The following BOP1 variants were observed in gnomAD, a reference collection of about 807,000 sequenced individuals.
BOP1 encodes ribosome biogenesis protein BOP1.
BOP1 carries 54 observed loss-of-function variants against 82.9 expected under a neutral mutation model. That is an observed-to-expected ratio of 0.65 (90% confidence interval 0.52 to 0.82). The LOEUF is 0.82. Among genes scored for constraint, BOP1 ranks in the 40% least tolerant of loss-of-function variants. The pLI is 0.00. For missense variants in BOP1, 1,170 were observed against 1,072.0 expected, an observed-to-expected ratio of 1.09 and a Z score of -1.28; for synonymous variants, 566 against 451.1, an observed-to-expected ratio of 1.25 and a Z score of -3.23.
intron 2 of BOP1, among the ~76,000 whole-genome samples, chr8:144,280,529 A>G (rs965671786): frequency 6.6e-6 from 1 of 152,218 alleles, no homozygotes; most frequent in African/African-American, 2.4e-5. Context: ...AGTGTGCATT[A>G]TGCTCCGGCA....
chr8:144,266,670 G>T, intron 3 of BOP1: 1 of 1,263,298 alleles, frequency 7.9e-7, no homozygotes, highest in Non-Finnish European at 1.0e-6. Flanking sequence ...ACCCCGAGGT[G>T]AGCCCGCTGT....
intron 2 of BOP1, among the ~76,000 whole-genome samples, chr8:144,286,856 G>A (rs1194021276): frequency 6.6e-6 from 1 of 152,240 alleles, no homozygotes; most frequent in Non-Finnish European, 1.5e-5. Flanking sequence ...AACCCGAGCA[G>A]GGCAATGGGC....
chr8:144,270,482 G>A (rs1289282490), intron 3 of BOP1, among the ~76,000 whole-genome samples: 10 of 152,288 alleles, frequency 6.6e-5, no homozygotes, highest in East Asian at 5.8e-4. Flanking sequence ...GACTCCGACC[G>A]CGGCTGCAGC....
Position 144,264,590 on chromosome 8 carries a change from G to A in BOP1, c.690C>T (p.Asp230=), listed in dbSNP as rs1004730189. Residue 230 remains aspartate, a synonymous_variant, in exon 6 of 16, where the codon GAC becomes GAT. Coordinates refer to ENST00000569669, the MANE Select transcript of BOP1 (RefSeq NM_015201.5). ...YEPAVDFFSG[D]VMIHPVTNRP... is the part of the protein sequence containing the mutation. ...GGTTGGTCACCGGGTGGATCATGAC[G>A]TCCCCGCTGAAGAAGTCGACAGCCG... The A allele has an allele frequency of 1.3e-4, 215 of 1,606,662 alleles. No individual in the cohort carries two copies. Among genetic ancestry groups the A allele is most frequent in the South Asian group, 5.5e-5 (5 of 90,132 alleles).
intron 3 of BOP1, chr8:144,266,932 G>A (rs1185108621): frequency 3.2e-6 from 5 of 1,557,384 alleles, no homozygotes; most frequent in African/African-American, 2.8e-5. Flanking sequence ...CACCGAGCCC[G>A]CCGACCGCAA....
At chr8:144,271,617 G>A (rs979424189) in intron 3 of BOP1, among the ~76,000 whole-genome samples, 3 of 152,098 alleles carry the variant, frequency 2.0e-5, no homozygotes, top group Non-Finnish European at 4.4e-5. Flanking sequence ...GGCCAGGGCG[G>A]GAGGCTCACC....
At chr8:144,271,538 G>A (rs1425285938) in intron 3 of BOP1, among the ~76,000 whole-genome samples, 9 of 152,078 alleles carry the variant, frequency 5.9e-5, no homozygotes, top group East Asian at 3.9e-4. Context: ...AGCGCCACAC[G>A]GCCTTCCTGT....
rs1259016810 is a variant in BOP1, at chr8:144,291,187, A to G, written c.99+85T>C. On this transcript the variant is annotated intron_variant, in intron 1 of 15. Transcript: ENST00000569669. The surrounding 1 kb of genome is among the most constrained non-coding windows in gnomAD (Gnocchi z 4.1). ...TGGGCGCGGGCGCCCAGGTGACAGA[A>G]GCCGGGCCCACCCGCCCCAGCGCGG... is the stretch of plus-strand genomic sequence containing the variant. 4 of 1,217,882 alleles carry G rather than the reference A, an allele frequency of 3.3e-6. No homozygotes were observed. The highest frequency in any genetic ancestry group is 4.2e-6 in the Non-Finnish European group (4 of 955,356). The allele number at this position is 1,217,882 out of a possible 1,614,324, so 75.4% of individuals were successfully genotyped here. A position where few individuals can be genotyped will look rare whatever the true frequency, so the allele number is the denominator to read the frequency against.
At chr8:144,271,289 GC>G (rs1845488270) in intron 3 of BOP1, among the ~76,000 whole-genome samples, 1 of 152,024 alleles carries the variant, frequency 6.6e-6, no homozygotes, top group East Asian at 1.9e-4. Context: ...GATTGGAACT[GC>G]AGGTATGGGG....
At chr8:144,278,466 G>A (rs2130245222) in intron 2 of BOP1, among the ~76,000 whole-genome samples, 1 of 152,338 alleles carries the variant, frequency 6.6e-6, no homozygotes, top group East Asian at 1.9e-4. Context: ...GCCAGGCCGT[G>A]CCCCACTGCC....
rs1588608323 is a variant in BOP1, at chr8:144,285,424, G to C, written c.309+3671C>G. 2.0e-5 allele frequency among the ~76,000 whole-genome samples: 3 copies of C among 152,348 alleles called. No individual in the cohort carries two copies. In the East Asian group the frequency reaches 5.8e-4, roughly 29 times the overall value. The stretch of plus-strand genomic sequence containing the variant: ...ACCACTGTGGAGGAAACAGCGACAG[G>C]AGGGAGTGGGGGGACAGGCAGAAGC... On this transcript the variant is annotated intron_variant, in intron 2 of 15. Coordinates refer to ENST00000569669, the MANE Select transcript of BOP1 (RefSeq NM_015201.5).
intron 3 of BOP1, chr8:144,267,102 G>C: frequency 2.1e-6 from 3 of 1,424,988 alleles, no homozygotes; most frequent in South Asian, 3.0e-5. Flanking sequence ...CGCCGCCCCC[G>C]CCGCCTCCCG....
Position 144,263,316 on chromosome 8 carries a change from G to C in BOP1, c.1510C>G (p.Pro504Ala), listed in dbSNP as rs1845275190. ...GGCTGCAAGGGGGGCTCCTCAGGCG[G>C]GACGAAGGCGCTCAACAGCTGATCT... ...STDQLLSAFVPPEEPPLQPAR... is the reference protein window; with the variant it reads ...STDQLLSAFVAPEEPPLQPAR... The change falls in exon 12 of 16, where the codon CCG becomes GCG. Residue 504 changes from proline to alanine, a missense_variant. Transcript: ENST00000569669. 1.2e-5 allele frequency: 19 copies of C among 1,593,918 alleles called. No homozygotes were observed. Among genetic ancestry groups the C allele is most frequent in the Non-Finnish European group, 1.6e-5 (19 of 1,178,770 alleles).
rs1845665849 is a variant in BOP1 at position 144,281,046 on chromosome 8, A to ACTTTCATACCAGGTTTTC, written c.310-4743_310-4742insGAAAACCTGGTATGAAAG. On this transcript the variant is annotated intron_variant, in intron 2 of 15. Coordinates refer to ENST00000569669, the MANE Select transcript of BOP1 (RefSeq NM_015201.5). ...TTCTCTCACTTTAATACCAGGTCTT[A>ACTTTCATACCAGGTTTTC]GGCCTTCTCTCACTTTCATACCAGG... Among the ~76,000 whole-genome samples, 2 of 48,992 alleles carry ACTTTCATACCAGGTTTTC rather than the reference A, an allele frequency of 4.1e-5. 1 individual carries two copies. Among genetic ancestry groups the ACTTTCATACCAGGTTTTC allele is most frequent in the East Asian group, 8.8e-4 (2 of 2,270 alleles). The allele number at this position is 48,992 out of a possible 152,430, so 32.1% of individuals were successfully genotyped here.
Position 144,264,619 on chromosome 8 carries a change from G to T in BOP1, c.664-3C>A, listed in dbSNP as rs970055567. 1 of 1,592,738 alleles carries T rather than the reference G, an allele frequency of 6.3e-7. No homozygotes were observed. The highest frequency in any genetic ancestry group is 8.6e-7 in the Non-Finnish European group (1 of 1,169,446). ...CCGCTGAAGAAGTCGACAGCCGGCT[G>T]GGGGAGAAGATGTGGGCGTGTGGGC... is the stretch of plus-strand genomic sequence containing the variant. On this transcript the variant is annotated splice_region_variant and splice_polypyrimidine_tract_variant and intron_variant, in intron 5 of 15. Coordinates refer to ENST00000569669, the MANE Select transcript of BOP1 (RefSeq NM_015201.5).
At chr8:144,269,481 G>T (rs1315804882) in intron 3 of BOP1, among the ~76,000 whole-genome samples, 1 of 152,266 alleles carries the variant, frequency 6.6e-6, no homozygotes, top group Admixed American at 6.5e-5. Context: ...GCAAAGACAG[G>T]CTCCAGGGAA....
At chr8:144,271,024 G>T (rs1196337581) in intron 3 of BOP1, among the ~76,000 whole-genome samples, 3 of 152,094 alleles carry the variant, frequency 2.0e-5, no homozygotes, top group African/African-American at 7.2e-5. Flanking sequence ...CGCAGCACCT[G>T]CGGGCTGCCA....
At chr8:144,277,774 A>G (rs1845590119) in intron 2 of BOP1, among the ~76,000 whole-genome samples, 1 of 71,526 alleles carries the variant, frequency 1.4e-5, no homozygotes, top group South Asian at 4.6e-4. Flanking sequence ...GCGCTCAGCC[A>G]GGCCCAGCGC....
At position 144,264,376 on chromosome 8, in the gene BOP1, G is replaced by T; in HGVS notation, c.827C>A (p.Pro276His). The T allele has an allele frequency of 6.2e-7, 1 of 1,603,858 alleles. No homozygotes were observed. The highest frequency in any genetic ancestry group is 8.5e-7 in the Non-Finnish European group (1 of 1,179,698). Residue 276 changes from proline (P) to histidine (H), a missense_variant, in exon 7 of 16, where the codon CCC becomes CAC. Pro to His is a moderately conservative substitution (Grantham distance 77). Coordinates refer to ENST00000569669, the MANE Select transcript of BOP1 (RefSeq NM_015201.5). ...GWIQPRRPRD[P>H]TPSFYDLWAQ... ...CCACAGGTCATAGAAGCTGGGGGTG[G>T]GGTCTCGGGGCCGGCGAGGCTGGAT...
Sources: allele counts gnomAD v4.1 joint callset (sites outside exome capture counted in the v4.1 genomes callset), GRCh38; gene constraint gnomAD v4.1.1; non-coding constraint Gnocchi (gnomAD v3.1); transcripts MANE v1.5; gene names NCBI Gene and HGNC (gene_info 2026-07-23, HGNC 2026-07-21).